Variants in ATG10 observed in about 807,000 individuals in gnomAD.
ATG10 encodes the protein autophagy related 10.
In ATG10, 30 loss-of-function variants were observed where a neutral mutation model predicts 32.1. The observed-to-expected ratio is 0.94, with a 90% CI of 0.70 to 1.27. The LOEUF is 1.27. Among genes scored for constraint, ATG10 ranks in the 50% most tolerant of loss-of-function variants. The pLI, the probability that ATG10 is intolerant of heterozygous loss-of-function variation, is 0.00. For synonymous variants in ATG10, 87 were observed against 91.5 expected (o/e 0.95, Z 0.28); for missense variants, 233 against 262.3 (o/e 0.89, Z 0.77).
intron 3 of ATG10, among the ~76,000 whole-genome samples, chr5:82,090,039 A>T (rs1174435807): frequency 6.6e-6 from 1 of 150,798 alleles, no homozygotes; most frequent in Non-Finnish European, 1.5e-5. Context: ...ATGAGATATC[A>T]CTACACACCT....
intron 3 of ATG10, among the ~76,000 whole-genome samples, chr5:82,116,228 G>A (rs1486768004): frequency 6.6e-6 from 1 of 151,966 alleles, no homozygotes; most frequent in East Asian, 1.9e-4. Flanking sequence ...TTTCCATATA[G>A]TAGTTGGCAT....
chr5:82,240,702 T>C (rs538204366), intron 5 of ATG10, among the ~76,000 whole-genome samples: 1 of 152,312 alleles, frequency 6.6e-6, no homozygotes, highest in South Asian at 2.1e-4. Context: ...TTTAAGATGA[T>C]GGCTATACCA....
chr5:82,152,207 A>T (rs925337341), intron 3 of ATG10, among the ~76,000 whole-genome samples: 1 of 152,214 alleles, frequency 6.6e-6, no homozygotes, highest in African/African-American at 2.4e-5. Context: ...GACTTGGTGC[A>T]GATTAGGACA....
rs112160483 is a variant in ATG10, at chr5:82,162,666, T to TA, written c.217-1724dup. On this transcript the variant is annotated intron_variant, in intron 3 of 7. Coordinates refer to ENST00000282185, the MANE Select transcript of ATG10 (RefSeq NM_031482.5). Reference sequence around the variant, plus strand: ...AAAATATCTGGCAATATGGAAATGTTAAAAAAAAACACAACAGCAACTATG... The same window carrying TA: ...AAAATATCTGGCAATATGGAAATGTTAAAAAAAAAACACAACAGCAACTATG... Among the ~76,000 whole-genome samples the TA allele has an allele frequency of 1.2e-3, 182 of 150,922 alleles. 1 individual carries two copies. The highest frequency in any genetic ancestry group is 1.9e-3 in the African/African-American group (78 of 41,148).
At chr5:82,202,740 A>G (rs1745118372) in intron 5 of ATG10, among the ~76,000 whole-genome samples, 1 of 150,164 alleles carries the variant, frequency 6.7e-6, no homozygotes, top group African/African-American at 2.5e-5. Flanking sequence ...CAGCAAGAGA[A>G]AAGAAAGAAA....
At chr5:82,133,087 G>A (rs1766605911) in intron 3 of ATG10, among the ~76,000 whole-genome samples, 1 of 152,050 alleles carries the variant, frequency 6.6e-6, no homozygotes, top group African/African-American at 2.4e-5. Context: ...TGATGGGATT[G>A]TTTCTTTCTT....
intron 2 of ATG10, among the ~76,000 whole-genome samples, chr5:82,010,611 C>G (rs1213249096): frequency 6.6e-6 from 1 of 152,090 alleles, no homozygotes; most frequent in African/African-American, 2.4e-5. Flanking sequence ...ATTTTAAGGT[C>G]TAAGGTTATT....
intron 3 of ATG10, among the ~76,000 whole-genome samples, chr5:82,135,330 T>C (rs1327818224): frequency 1.3e-5 from 2 of 152,216 alleles, no homozygotes; most frequent in African/African-American, 2.4e-5. Context: ...GTGTCAATTT[T>C]AGATCTTTCC....
chr5:82,010,058 G>T (rs1762087222), intron 2 of ATG10: 2 of 1,610,546 alleles, frequency 1.2e-6, no homozygotes, highest in African/African-American at 2.7e-5. Flanking sequence ...GCTCGCCATC[G>T]ACGGCAATGT....
chr5:82,199,802 C>A (rs1271984359), intron 5 of ATG10, among the ~76,000 whole-genome samples: 1 of 152,164 alleles, frequency 6.6e-6, no homozygotes, highest in Non-Finnish European at 1.5e-5. Flanking sequence ...CCTTGTGCAG[C>A]CCCTTGTAGC....
chr5:82,178,516 A>G lies in ATG10; in HGVS notation c.382A>G (p.Ile128Val). ...LDGRPLTLKD[I>V]WEGVHECYKM... The stretch of plus-strand genomic sequence containing the variant: ...TGGGAGACCTTTAACTCTGAAGGAC[A>G]TATGGGAAGGAGTTCATGAGTGCTA... Residue 128 changes from isoleucine (I) to valine (V), a missense_variant, in exon 5 of 8, where the codon ATA (isoleucine) becomes GTA (valine). Coordinates refer to ENST00000282185, the MANE Select transcript of ATG10 (RefSeq NM_031482.5). The G allele has an allele frequency of 1.2e-6, 2 of 1,611,802 alleles. No individual in the cohort carries two copies. The highest frequency in any genetic ancestry group is 1.7e-6 in the Non-Finnish European group (2 of 1,178,162).
intron 5 of ATG10, among the ~76,000 whole-genome samples, chr5:82,239,989 A>C (rs1746722642): frequency 6.6e-6 from 1 of 152,162 alleles, no homozygotes. Flanking sequence ...ACTCCAGTTA[A>C]AATGGCTATT....
intron 5 of ATG10, chr5:82,242,798 T>A: frequency 4.4e-6 from 2 of 449,462 alleles, no homozygotes; most frequent in South Asian, 3.2e-5. Context: ...TACCTACAGA[T>A]CTTCACCAAG....
chr5:82,185,926 C>T (rs919964295), intron 5 of ATG10, among the ~76,000 whole-genome samples: 5 of 152,138 alleles, frequency 3.3e-5, no homozygotes, highest in African/African-American at 1.2e-4. Context: ...TTAACTGTTT[C>T]TATTTTAAAT....
intron 1 of ATG10, among the ~76,000 whole-genome samples, chr5:81,984,242 C>A (rs1341722202): frequency 2.6e-5 from 4 of 152,260 alleles, no homozygotes; most frequent in Admixed American, 6.5e-5. Flanking sequence ...CCGGCCAACA[C>A]AGCGAAACCC....
At chr5:82,139,973 G>A (rs1173439227) in intron 3 of ATG10, among the ~76,000 whole-genome samples, 8 of 129,654 alleles carry the variant, frequency 6.2e-5, no homozygotes, top group South Asian at 2.6e-4. Context: ...CAGCCGCCCC[G>A]TCAGGGAGGT....
At chr5:82,150,397 C>T (rs1767545039) in intron 3 of ATG10, among the ~76,000 whole-genome samples, 2 of 152,122 alleles carry the variant, frequency 1.3e-5, no homozygotes, top group South Asian at 2.1e-4. Flanking sequence ...CATTTTTCTT[C>T]CCATGCAAAT....
chr5:82,187,370 G>C (rs1182653313), intron 5 of ATG10, among the ~76,000 whole-genome samples: 2 of 151,502 alleles, frequency 1.3e-5, no homozygotes, highest in Admixed American at 1.3e-4. Context: ...AATTAGCCAG[G>C]TGTGGTGGTG....
At chr5:82,214,247 C>T (rs1261641166) in intron 5 of ATG10, among the ~76,000 whole-genome samples, 1 of 152,124 alleles carries the variant, frequency 6.6e-6, no homozygotes, top group Non-Finnish European at 1.5e-5. Context: ...AAAAATGTAA[C>T]TGATCTTCAG....
Sources: allele counts gnomAD v4.1 joint callset (sites outside exome capture counted in the v4.1 genomes callset), GRCh38; gene constraint gnomAD v4.1.1; transcripts MANE v1.5; gene names NCBI Gene and HGNC (gene_info 2026-07-23, HGNC 2026-07-21).